ISLR: variants seen among roughly 807,000 people sequenced by gnomAD.
ISLR encodes immunoglobulin superfamily containing leucine-rich repeat protein.
ISLR carries 9 observed loss-of-function variants against 11.0 expected under a neutral mutation model. That is an observed-to-expected ratio of 0.82 (90% confidence interval 0.49 to 1.43). The LOEUF (loss-of-function observed/expected upper bound fraction) is 1.43. ISLR is among the 40% of genes most tolerant of loss of function. ISLR has a pLI of 0.00. For synonymous variants in ISLR, 262 were observed against 264.1 expected, an observed-to-expected ratio of 0.99 and a Z score of 0.08; for missense variants, 510 against 576.4, an observed-to-expected ratio of 0.88 and a Z score of 1.18.
Position 74,176,058 on chromosome 15 carries a change from C to G in ISLR, c.1200C>G (p.Val400=). 6.2e-7 allele frequency: 1 copy of G among 1,611,150 alleles called. No homozygotes were observed. The highest frequency in any genetic ancestry group is 8.5e-7 in the Non-Finnish European group (1 of 1,178,216). ...LSRAGNPEAA[V]AEGVPGQLPP... is the part of the protein sequence containing the mutation. The stretch of plus-strand genomic sequence containing the variant: ...GTGCTGGGAACCCTGAGGCTGCAGT[C>G]GCAGAAGGGGTCCCTGGGCAGCTGC... The change falls in exon 2 of 2, where the codon GTC becomes GTG. Residue 400 remains valine, a synonymous_variant. Coordinates refer to ENST00000249842, the MANE Select transcript of ISLR (RefSeq NM_005545.4).
chr15:74,175,856 T>C lies in ISLR; in HGVS notation c.998T>C (p.Leu333Pro). The C allele has an allele frequency of 1.2e-6, 2 of 1,614,044 alleles. No homozygotes were observed. Among genetic ancestry groups the C allele is most frequent in the Non-Finnish European group, 1.7e-6 (2 of 1,179,986 alleles). Residue 333 changes from leucine to proline, a missense_variant, in exon 2 of 2, where the codon CTG (leucine) becomes CCG (proline). Leu to Pro is a moderately conservative substitution (Grantham distance 98, BLOSUM62 -3). Transcript: ENST00000249842. This position sits in a 1 kb window ranked among gnomAD's most constrained non-coding sequence, Gnocchi z 4.7. Reference sequence around the variant, plus strand: ...TACAGCTGCCTGGCCACCAATGAGCTGGGCAGTGCTGAGAGCTCAGTGGAC... The same window carrying C: ...TACAGCTGCCTGGCCACCAATGAGCCGGGCAGTGCTGAGAGCTCAGTGGAC... ...GTYSCLATNE[L>P]GSAESSVDVA...
At position 74,174,839 on chromosome 15, in the gene ISLR, C is replaced by T. The variant is rs1415779582; in HGVS notation, c.-8-12C>T. 10 of 1,508,812 alleles carry T rather than the reference C, an allele frequency of 6.6e-6. No individual in the cohort carries two copies. The highest frequency in any genetic ancestry group is 2.3e-5 in the East Asian group (1 of 43,898). 93.5% of individuals were successfully genotyped at this position (1,508,812 alleles called of 1,614,324 possible). ...TCTCGGGATCCCCTGGGTGACATGC[C>T]TTTCTCTGCAGGAGGCACCATGCAG... On this transcript the variant is annotated splice_polypyrimidine_tract_variant and intron_variant, in intron 1 of 1. Coordinates refer to ENST00000249842, the MANE Select transcript of ISLR (RefSeq NM_005545.4).
In ISLR at chr15:74,175,677, ACCCAGTGG is replaced by A; in HGVS notation, c.821_828del (p.Pro274HisfsTer12). On this transcript the variant is annotated frameshift_variant, in exon 2 of 2. Coordinates refer to ENST00000249842, the MANE Select transcript of ISLR (RefSeq NM_005545.4). LOFTEE classifies it high-confidence loss of function. The surrounding 1 kb of genome is among the most constrained non-coding windows in gnomAD (Gnocchi z 4.7). Reference sequence around the variant, plus strand: ...CTCAGCTTCACTGGCACATCCAGATACCCAGTGGCATTGTGGAGATCACCAGCCCCAAC... The same window carrying A: ...CTCAGCTTCACTGGCACATCCAGATACATTGTGGAGATCACCAGCCCCAAC... 1 of 1,614,104 alleles carries A rather than the reference ACCCAGTGG, an allele frequency of 6.2e-7. No individual in the cohort carries two copies.
At position 74,173,775 on chromosome 15, in the gene ISLR, G is replaced by A. The variant is rs1031362949; in HGVS notation, c.-253G>A. On this transcript the variant is annotated 5_prime_UTR_variant, in exon 1 of 2. Transcript: ENST00000249842. ...AGTTGTTTTGCTGGAAGGAGGGAGT[G>A]CGCGGGCTGCCCCGGGCTCCTCCCT... 6.5e-6 allele frequency: 1 copy of A among 154,468 alleles called. No homozygotes were observed. The highest frequency in any genetic ancestry group is 2.4e-5 in the African/African-American group (1 of 41,530). 9.6% of individuals were successfully genotyped at this position (154,468 alleles called of 1,614,324 possible). A position where few individuals can be genotyped will look rare whatever the true frequency, so the allele number is the denominator to read the frequency against.
In ISLR at chr15:74,175,361, C is replaced by G. The variant is rs371808969; in HGVS notation, c.503C>G (p.Pro168Arg). 5.0e-6 allele frequency: 8 copies of G among 1,610,716 alleles called. No individual in the cohort carries two copies. The highest frequency in any genetic ancestry group is 5.9e-6 in the Non-Finnish European group (7 of 1,179,800). ...LHTLAEGTFT[P>R]LTALSHLQIN... ...ACATTGGCCGAGGGCACCTTCACCC[C>G]GCTCACCGCGCTGTCCCACCTGCAG... Residue 168 changes from proline to arginine, a missense_variant, in exon 2 of 2, where the codon CCG (proline) becomes CGG (arginine). Pro to Arg is a moderately radical substitution (Grantham distance 103). Transcript: ENST00000249842. The surrounding 1 kb of genome is among the most constrained non-coding windows in gnomAD (Gnocchi z 4.7).
chr15:74,173,793 T>C lies in ISLR; in HGVS notation c.-235T>C, dbSNP rs2072762494. The C allele has an allele frequency of 6.5e-6, 1 of 154,386 alleles. No homozygotes were observed. Among genetic ancestry groups the C allele is most frequent in the African/African-American group, 2.4e-5 (1 of 41,526 alleles). 9.6% of individuals were successfully genotyped at this position (154,386 alleles called of 1,614,324 possible). A position where few individuals can be genotyped will look rare whatever the true frequency, so the allele number is the denominator to read the frequency against. ...AGGGAGTGCGCGGGCTGCCCCGGGCTCCTCCCTGCCGCCTCCTCTCAGTGG... is the reference window on the plus strand; with the variant it reads ...AGGGAGTGCGCGGGCTGCCCCGGGCCCCTCCCTGCCGCCTCCTCTCAGTGG... On this transcript the variant is annotated 5_prime_UTR_variant, in exon 1 of 2. Coordinates refer to ENST00000249842, the MANE Select transcript of ISLR (RefSeq NM_005545.4).
At position 74,174,973 on chromosome 15, in the gene ISLR, C is replaced by A. The variant is rs199657194; in HGVS notation, c.115C>A (p.Arg39Ser). The change falls in exon 2 of 2, where the codon CGC (arginine) becomes AGC (serine). Residue 39 changes from arginine (R) to serine (S), a missense_variant. Arg to Ser is a moderately radical substitution (Grantham distance 110, BLOSUM62 -1). Coordinates refer to ENST00000249842, the MANE Select transcript of ISLR (RefSeq NM_005545.4). ...CTTCCAGATCGCCGACTGTGCCTACCGCGACCTAGAATCCGTGCCGCCTGG... is the reference window on the plus strand; with the variant it reads ...CTTCCAGATCGCCGACTGTGCCTACAGCGACCTAGAATCCGTGCCGCCTGG... ...YGFQIADCAYRDLESVPPGFP... is the reference protein window; with the variant it reads ...YGFQIADCAYSDLESVPPGFP... The A allele has an allele frequency of 4.0e-5, 64 of 1,613,222 alleles. 1 individual carries two copies. Among genetic ancestry groups the A allele is most frequent in the South Asian group, 2.6e-4 (24 of 90,918 alleles).
chr15:74,175,928 G>T lies in ISLR; in HGVS notation c.1070G>T (p.Arg357Leu), dbSNP rs376163086. ...GAGGGTGGTGAGGACACACTGGGGC[G>T]CAGGTTCCATGGCAAAGCGGTTGAG... is the stretch of plus-strand genomic sequence containing the variant. The part of the protein sequence containing the change: ...PGEGGEDTLG[R>L]RFHGKAVEGK... The change falls in exon 2 of 2, where the codon CGC becomes CTC. Residue 357 changes from arginine (R) to leucine (L), a missense_variant. Coordinates refer to ENST00000249842, the MANE Select transcript of ISLR (RefSeq NM_005545.4). This position sits in a 1 kb window ranked among gnomAD's most constrained non-coding sequence, Gnocchi z 4.7. The T allele has an allele frequency of 3.7e-6, 6 of 1,610,964 alleles. No homozygotes were observed. The highest frequency in any genetic ancestry group is 5.1e-6 in the Non-Finnish European group (6 of 1,177,862).
chr15:74,174,054 G>GGCGGGA (rs2072765061), intron 1 of ISLR, 35 bp downstream of exon 1: 1 of 152,842 alleles, frequency 6.5e-6, no homozygotes, highest in South Asian at 2.1e-4. Flanking sequence ...CAGGGCCAGC[G>GGCGGGA]GCGGGAGCGG....
At position 74,175,405 on chromosome 15, in the gene ISLR, G is replaced by A. The variant is rs376998994; in HGVS notation, c.547G>A (p.Asp183Asn). 1.4e-5 allele frequency: 23 copies of A among 1,611,922 alleles called. No homozygotes were observed. The highest frequency in any genetic ancestry group is 6.6e-5 in the South Asian group (6 of 91,066). ...SHLQINENPF[D>N]CTCGIVWLKT... Reference sequence around the variant, plus strand: ...CCTGCAGATCAACGAGAACCCCTTCGACTGCACCTGCGGCATCGTGTGGCT... The same window carrying A: ...CCTGCAGATCAACGAGAACCCCTTCAACTGCACCTGCGGCATCGTGTGGCT... The change falls in exon 2 of 2, where the codon GAC becomes AAC. Residue 183 changes from aspartate to asparagine, a missense_variant. Physicochemically the swap from Asp to Asn is conservative, Grantham distance 23. Transcript: ENST00000249842. This position sits in a 1 kb window ranked among gnomAD's most constrained non-coding sequence, Gnocchi z 4.7.
rs2072797886 is a variant in ISLR, at chr15:74,176,479, T to C, written c.*334T>C. 1 of 304,878 alleles carries C rather than the reference T, an allele frequency of 3.3e-6. No homozygotes were observed. The highest frequency in any genetic ancestry group is 6.4e-6 in the Non-Finnish European group (1 of 155,384). 18.9% of individuals were successfully genotyped at this position (304,878 alleles called of 1,614,324 possible). ...GCCTCAGTGGTGGAATTCCAGGCAC[T>C]GTGACTGTCAAGCTGGCAAGGGCCA... On this transcript the variant is annotated 3_prime_UTR_variant, in exon 2 of 2. Coordinates refer to ENST00000249842, the MANE Select transcript of ISLR (RefSeq NM_005545.4).
chr15:74,174,740 T>G (rs1486670243), intron 1 of ISLR, 111 bp from the exon 2 acceptor site: 1 of 780,970 alleles, frequency 1.3e-6, no homozygotes, highest in Non-Finnish European at 1.9e-6. Context: ...TTAGCTGGGT[T>G]ATGTGGGACA....
chr15:74,175,353 CT>C lies in ISLR; in HGVS notation c.497del (p.Phe166SerfsTer31). 1 of 1,610,960 alleles carries C rather than the reference CT, an allele frequency of 6.2e-7. No homozygotes were observed. ...GCTTGCACACATTGGCCGAGGGCACCTTCACCCCGCTCACCGCGCTGTCCCA... is the reference window on the plus strand; with the variant it reads ...GCTTGCACACATTGGCCGAGGGCACCTCACCCCGCTCACCGCGCTGTCCCA... ...NRLHTLAEGTFTPLTALSHLQ... is the reference protein window; with the variant it reads ...NRLHTLAEGTXTPLTALSHLQ... On this transcript the variant is annotated frameshift_variant, in exon 2 of 2. Coordinates refer to ENST00000249842, the MANE Select transcript of ISLR (RefSeq NM_005545.4). LOFTEE classifies it high-confidence loss of function. This position sits in a 1 kb window ranked among gnomAD's most constrained non-coding sequence, Gnocchi z 4.7.
rs1227595405 is a variant in ISLR at position 74,175,222 on chromosome 15, A to C, written c.364A>C (p.Ser122Arg). Reference protein sequence around the residue: ...DFAWSDLHNLSALQLLKMDSN... With the variant: ...DFAWSDLHNLRALQLLKMDSN... ...TGCCTGGAGCGACCTGCACAACCTC[A>C]GTGCCCTCCAATTGCTCAAGATGGA... is the stretch of plus-strand genomic sequence containing the variant. Residue 122 changes from serine to arginine, a missense_variant, in exon 2 of 2, where the codon AGT becomes CGT. By Grantham distance (110) the Ser-to-Arg change is moderately radical. Transcript: ENST00000249842. This position sits in a 1 kb window ranked among gnomAD's most constrained non-coding sequence, Gnocchi z 4.7. The C allele has an allele frequency of 6.2e-7, 1 of 1,613,414 alleles. No individual in the cohort carries two copies. The highest frequency in any genetic ancestry group is 8.5e-7 in the Non-Finnish European group (1 of 1,180,012).
chr15:74,174,729 T>G, intron 1 of ISLR, 122 bp from the exon 2 acceptor site: 3 of 697,274 alleles, frequency 4.3e-6, no homozygotes, highest in Non-Finnish European at 6.7e-6. Context: ...GGTGTTGGGA[T>G]TTAGCTGGGT....
At chr15:74,174,649 C>G in intron 1 of ISLR, 1 of 486,824 alleles carries the variant, frequency 2.1e-6, no homozygotes, top group Admixed American at 3.8e-5. Context: ...GCTGCGTGAC[C>G]TCGGGCAAGT....
rs2072798200 is a variant in ISLR, at chr15:74,176,516, A to G, written c.*371A>G. Reference sequence around the variant, plus strand: ...GCTGGCAAGGGCCAGGATTGGGGGAATGGAGCTGGGGCTTAGCTGGGAGGT... The same window carrying G: ...GCTGGCAAGGGCCAGGATTGGGGGAGTGGAGCTGGGGCTTAGCTGGGAGGT... On this transcript the variant is annotated 3_prime_UTR_variant, in exon 2 of 2. Coordinates refer to ENST00000249842, the MANE Select transcript of ISLR (RefSeq NM_005545.4). 4.1e-6 allele frequency: 1 copy of G among 243,814 alleles called. No individual in the cohort carries two copies. The highest frequency in any genetic ancestry group is 8.5e-6 in the Non-Finnish European group (1 of 117,214). The allele number at this position is 243,814 out of a possible 1,614,324, so 15.1% of individuals were successfully genotyped here.
Position 74,175,826 on chromosome 15 carries a change from G to C in ISLR, c.968G>C (p.Gly323Ala). 2.5e-6 allele frequency: 4 copies of C among 1,614,026 alleles called. No individual in the cohort carries two copies. Among genetic ancestry groups the C allele is most frequent in the Non-Finnish European group, 3.4e-6 (4 of 1,180,024 alleles). Residue 323 changes from glycine to alanine, a missense_variant, in exon 2 of 2, where the codon GGC becomes GCC. Physicochemically the swap from Gly to Ala is moderately conservative, Grantham distance 60. Transcript: ENST00000249842. This position sits in a 1 kb window ranked among gnomAD's most constrained non-coding sequence, Gnocchi z 4.7. ...CCCGACTTTGGCAAGCTGGAGGAAGGCACCTACAGCTGCCTGGCCACCAAT... is the reference window on the plus strand; with the variant it reads ...CCCGACTTTGGCAAGCTGGAGGAAGCCACCTACAGCTGCCTGGCCACCAAT... ...LIPDFGKLEE[G>A]TYSCLATNEL...
rs1484839130 is a variant in ISLR at position 74,176,613 on chromosome 15, C to T, written c.*468C>T. ...GTGGCTGGTATGGCTCTGAGGCTCC[C>T]TGGGGCCTGCTCAAGCTCCTCCTGC... On this transcript the variant is annotated 3_prime_UTR_variant, in exon 2 of 2. Coordinates refer to ENST00000249842, the MANE Select transcript of ISLR (RefSeq NM_005545.4). 5.7e-6 allele frequency: 1 copy of T among 175,832 alleles called. No homozygotes were observed. Among genetic ancestry groups the T allele is most frequent in the African/African-American group, 2.4e-5 (1 of 41,744 alleles). The allele number at this position is 175,832 out of a possible 1,614,324, so 10.9% of individuals were successfully genotyped here.
Sources: gnomAD v4.1 joint callset for allele counts on GRCh38, gnomAD v4.1.1 for gene constraint, Gnocchi (gnomAD v3.1) non-coding constraint, MANE v1.5 for transcripts, NCBI Gene and HGNC (gene_info 2026-07-23, HGNC 2026-07-21) for gene names.